PLEKHA6: variants seen among roughly 807,000 people sequenced by gnomAD.
The protein encoded by PLEKHA6 is pleckstrin homology domain containing A6.
In PLEKHA6, 60 loss-of-function variants were observed where a neutral mutation model predicts 116.7. The observed-to-expected ratio is 0.51, with a 90% CI of 0.42 to 0.64. PLEKHA6 has a LOEUF of 0.64. PLEKHA6 is among the 30% of genes least tolerant of loss of function. The probability of loss-of-function intolerance (pLI) is 0.00; values close to 1 mark genes in which losing one functional copy is unlikely to be tolerated. For synonymous variants in PLEKHA6, 489 were observed against 556.1 expected, an observed-to-expected ratio of 0.88 and a Z score of 1.70; for missense variants, 1,338 against 1,422.7, an observed-to-expected ratio of 0.94 and a Z score of 0.96.
At chr1:204,345,547 G>A (rs1198266931) in intron 1 of PLEKHA6, among the ~76,000 whole-genome samples, 1 of 151,922 alleles carries the variant, frequency 6.6e-6, no homozygotes, top group Non-Finnish European at 1.5e-5. Flanking sequence ...TCAGGTCTGG[G>A]TGCCACCATG....
At chr1:204,230,024 T>C (rs963803289) in intron 18 of PLEKHA6, among the ~76,000 whole-genome samples, 1 of 152,234 alleles carries the variant, frequency 6.6e-6, no homozygotes, top group Non-Finnish European at 1.5e-5. Context: ...TGCCATGCAA[T>C]GGTGAGCTAT....
rs972597291 is a variant in PLEKHA6 at position 204,262,736 on chromosome 1, A to G, written c.382-1288T>C. Among the ~76,000 whole-genome samples the G allele has an allele frequency of 3.9e-5, 6 of 152,010 alleles. 1 individual carries two copies. The highest frequency in any genetic ancestry group is 7.4e-5 in the Non-Finnish European group (5 of 68,006). Reference sequence around the variant, plus strand: ...CATTTTCTTTCTGACAGGAGCCATTACCCAGCAAGAGGCAGGGGTGGGCCT... The same window carrying G: ...CATTTTCTTTCTGACAGGAGCCATTGCCCAGCAAGAGGCAGGGGTGGGCCT... On this transcript the variant is annotated intron_variant, in intron 6 of 22. Coordinates refer to ENST00000272203, the MANE Select transcript of PLEKHA6 (RefSeq NM_014935.5).
At chr1:204,364,748 G>C (rs1673619368), upstream of PLEKHA6, among the ~76,000 whole-genome samples, 1 of 152,174 alleles carries the variant, frequency 6.6e-6, no homozygotes, top group Non-Finnish European at 1.5e-5. Flanking sequence ...GGTTCTCGAA[G>C]TGTGGGCCCC....
intron 1 of PLEKHA6, among the ~76,000 whole-genome samples, chr1:204,335,303 G>C (rs1054609867): frequency 6.6e-6 from 1 of 151,976 alleles, no homozygotes; most frequent in Non-Finnish European, 1.5e-5. Context: ...TGGGCAGGGG[G>C]GTGTTTAGCT....
chr1:204,255,113 G>A (rs573260613), intron 9 of PLEKHA6, among the ~76,000 whole-genome samples: 1 of 152,250 alleles, frequency 6.6e-6, no homozygotes, highest in South Asian at 2.1e-4. Flanking sequence ...GCTTTTGGAG[G>A]AACTAATGAA....
At chr1:204,244,105 G>T (rs760034761) in intron 15 of PLEKHA6, among the ~76,000 whole-genome samples, 1 of 151,972 alleles carries the variant, frequency 6.6e-6, no homozygotes, top group Non-Finnish European at 1.5e-5. Flanking sequence ...ACAGGCGTGA[G>T]CCACCACGCC....
chr1:204,255,722 C>G (rs1288334170), intron 9 of PLEKHA6: 2 of 701,080 alleles, frequency 2.9e-6, no homozygotes, highest in Non-Finnish European at 5.2e-6. Flanking sequence ...GCAACACAAA[C>G]AAACAGGAAC....
At chr1:204,300,417 T>C (rs1670699467) in intron 1 of PLEKHA6, among the ~76,000 whole-genome samples, 1 of 152,192 alleles carries the variant, frequency 6.6e-6, no homozygotes, top group Admixed American at 6.5e-5. Context: ...CATCTCTCAC[T>C]AAATCCAACT....
At chr1:204,260,267 C>T (rs546448639) in intron 7 of PLEKHA6, among the ~76,000 whole-genome samples, 1 of 152,316 alleles carries the variant, frequency 6.6e-6, no homozygotes, top group East Asian at 1.9e-4. Context: ...AATAGCTCCC[C>T]TCCTAGGACT....
chr1:204,244,063 C>T (rs1481795677), intron 15 of PLEKHA6, among the ~76,000 whole-genome samples: 4 of 151,996 alleles, frequency 2.6e-5, no homozygotes, highest in African/African-American at 4.8e-5. Context: ...CCTCGTGATC[C>T]ACCCACCTCA....
chr1:204,370,001 C>T (rs1673743366), intron 2 of PLEKHA6, among the ~76,000 whole-genome samples: 1 of 152,210 alleles, frequency 6.6e-6, no homozygotes, highest in Non-Finnish European at 1.5e-5. Flanking sequence ...ATCCTCTCCC[C>T]ATTATAAAGA....
At chr1:204,319,073 C>T (rs1324710716) in intron 1 of PLEKHA6, among the ~76,000 whole-genome samples, 1 of 152,208 alleles carries the variant, frequency 6.6e-6, no homozygotes, top group Non-Finnish European at 1.5e-5. Context: ...AAACAAGGTA[C>T]TCGGTTCATC....
At chr1:204,354,544 T>C (rs1180745769) in intron 1 of PLEKHA6, among the ~76,000 whole-genome samples, 1 of 152,226 alleles carries the variant, frequency 6.6e-6, no homozygotes, top group Non-Finnish European at 1.5e-5. Context: ...TACAAAGCAC[T>C]TCCATGTACA....
Position 204,261,592 on chromosome 1 carries a change from C to T in PLEKHA6, c.382-144G>A. The T allele has an allele frequency of 1.1e-6, 1 of 913,584 alleles. No homozygotes were observed. 56.6% of individuals were successfully genotyped at this position (913,584 alleles called of 1,614,324 possible). ...ACCTGGGGCTCTTCCCCATGCGGAG[C>T]TCAGGAGCAAGGTGAAGAGGGCAGC... On this transcript the variant is annotated intron_variant, in intron 6 of 22. Coordinates refer to ENST00000272203, the MANE Select transcript of PLEKHA6 (RefSeq NM_014935.5). This position sits in a 1 kb window ranked among gnomAD's most constrained non-coding sequence, Gnocchi z 4.0.
In PLEKHA6 at chr1:204,358,021, C is replaced by T. The variant is rs1192790740; in HGVS notation, c.-95+1673G>A. Among the ~76,000 whole-genome samples, 3 of 152,272 alleles carry T rather than the reference C, an allele frequency of 2.0e-5. No homozygotes were observed. The East Asian group carries it at 5.8e-4, about 29-fold the overall frequency. On this transcript the variant is annotated intron_variant, in intron 1 of 22. Transcript: ENST00000272203. The stretch of plus-strand genomic sequence containing the variant: ...TGTGTAAGGCGTCCTGCACCATCAC[C>T]TTCCTAGGAAGGAGGAAAAGAAGCC...
intron 3 of PLEKHA6, among the ~76,000 whole-genome samples, chr1:204,272,629 T>C (rs12062888): frequency 0.014 from 2,068 of 152,240 alleles, 51 homozygotes; most frequent in African/African-American, 0.047. Context: ...CCCTCCCCAG[T>C]CTCATTACCT....
rs530522932 is a variant in PLEKHA6, at chr1:204,259,983, C to T, written c.525-243G>A. Reference sequence around the variant, plus strand: ...CACCTGCTGTGTTAACTCTGCCCCCCACGTCTTCTCTGCAGGTCATTCTCC... The same window carrying T: ...CACCTGCTGTGTTAACTCTGCCCCCTACGTCTTCTCTGCAGGTCATTCTCC... On this transcript the variant is annotated intron_variant, in intron 7 of 22. Coordinates refer to ENST00000272203, the MANE Select transcript of PLEKHA6 (RefSeq NM_014935.5). The surrounding 1 kb of genome is among the most constrained non-coding windows in gnomAD (Gnocchi z 4.6). Among the ~76,000 whole-genome samples, 2 of 152,166 alleles carry T rather than the reference C, an allele frequency of 1.3e-5. No homozygotes were observed. Among genetic ancestry groups the T allele is most frequent in the Admixed American group, 1.3e-4 (2 of 15,280 alleles).
chr1:204,228,203 C>CAGTGGGGGGT lies in PLEKHA6; in HGVS notation c.2910_2911insACCCCCCACT (p.Glu971ThrfsTer4). The stretch of plus-strand genomic sequence containing the variant: ...TGGGGCACGTCCACAGAGTCCCCCT[C>CAGTGGGGGGT]GCCGATGGGCACCACGTTCTGCATA... On this transcript the variant is annotated frameshift_variant, in exon 21 of 23. Coordinates refer to ENST00000272203, the MANE Select transcript of PLEKHA6 (RefSeq NM_014935.5). LOFTEE classifies it high-confidence loss of function. This position sits in a 1 kb window ranked among gnomAD's most constrained non-coding sequence, Gnocchi z 4.0. 1 of 1,609,924 alleles carries CAGTGGGGGGT rather than the reference C, an allele frequency of 6.2e-7. No homozygotes were observed. Among genetic ancestry groups the CAGTGGGGGGT allele is most frequent in the African/African-American group, 1.3e-5 (1 of 74,946 alleles).
At position 204,259,460 on chromosome 1, in the gene PLEKHA6, G is replaced by A. The variant is rs867021899; in HGVS notation, c.805C>T (p.Pro269Ser). Residue 269 changes from proline (P) to serine (S), a missense_variant, in exon 8 of 23, where the codon CCC (proline) becomes TCC (serine). Coordinates refer to ENST00000272203, the MANE Select transcript of PLEKHA6 (RefSeq NM_014935.5). The surrounding 1 kb of genome is among the most constrained non-coding windows in gnomAD (Gnocchi z 4.6). ...VPGGGEQPAQ[P>S]NGWQYHSPSR... ...GGGGAGTGGTACTGCCAGCCATTGG[G>A]CTGGGCAGGCTGTTCCCCACCCCCT... 6.2e-7 allele frequency: 1 copy of A among 1,614,236 alleles called. No individual in the cohort carries two copies. Among genetic ancestry groups the A allele is most frequent in the Non-Finnish European group, 8.5e-7 (1 of 1,180,038 alleles).
Sources: allele counts gnomAD v4.1 joint callset (sites outside exome capture counted in the v4.1 genomes callset), GRCh38; gene constraint gnomAD v4.1.1; non-coding constraint Gnocchi (gnomAD v3.1); transcripts MANE v1.5; gene names NCBI Gene and HGNC (gene_info 2026-07-23, HGNC 2026-07-21).